The following SLC9A8 variants were observed in gnomAD, a reference collection of about 807,000 sequenced individuals.
The protein encoded by SLC9A8 is solute carrier family 9 member A8.
Under a neutral mutation model 66.6 loss-of-function variants are expected in SLC9A8, and 48 were observed. The observed-to-expected ratio is 0.72, with a 90% CI of 0.57 to 0.92. The LOEUF (loss-of-function observed/expected upper bound fraction) is 0.92. Among genes scored for constraint, SLC9A8 ranks in the 40% least tolerant of loss-of-function variants. The pLI is 0.00. For missense variants in SLC9A8, 599 were observed against 747.3 expected (o/e 0.80, Z 2.31); for synonymous variants, 274 against 282.6 (o/e 0.97, Z 0.31).
chr20:49,845,565 A>T (rs986280655), intron 5 of SLC9A8, among the ~76,000 whole-genome samples: 15 of 151,210 alleles, frequency 9.9e-5, no homozygotes, highest in African/African-American at 3.2e-4. Flanking sequence ...CCATCCTTCC[A>T]TGTCTCCCTC....
At chr20:49,882,325 A>T (rs2089655783) in intron 13 of SLC9A8, among the ~76,000 whole-genome samples, 2 of 152,050 alleles carry the variant, frequency 1.3e-5, no homozygotes, top group South Asian at 4.1e-4. Flanking sequence ...CCTGGAGGGG[A>T]GGCGTCCGCC....
intron 12 of SLC9A8, 134 bp from the exon 13 acceptor site, chr20:49,880,790 G>A (rs1318693747): frequency 3.4e-5 from 22 of 653,196 alleles, no homozygotes; most frequent in African/African-American, 1.3e-4. Flanking sequence ...GGTGTTGCTC[G>A]TGTCTTTTGT....
intron 9 of SLC9A8, chr20:49,863,967 A>G (rs1301910627): frequency 6.6e-6 from 1 of 152,212 alleles, no homozygotes; most frequent in Non-Finnish European, 1.5e-5. Context: ...CCAGAAGTCT[A>G]AGGGCTCTAT....
At chr20:49,857,414 A>C (rs951554095) in intron 8 of SLC9A8, among the ~76,000 whole-genome samples, 1 of 152,214 alleles carries the variant, frequency 6.6e-6, no homozygotes, top group Non-Finnish European at 1.5e-5. Flanking sequence ...TGAGGACTGA[A>C]TAGTTAAATA....
chr20:49,878,129 G>A lies in SLC9A8; in HGVS notation c.1158+66G>A, dbSNP rs567494043. The A allele has an allele frequency of 1.1e-3, 1,112 of 973,640 alleles. 23 individuals are homozygous for A. The South Asian group carries it at 0.018, about 15-fold the overall frequency. 60.3% of individuals were successfully genotyped at this position (973,640 alleles called of 1,614,324 possible). Reference sequence around the variant, plus strand: ...TTGTAGATCAATAAACACATGTTCCGGATTCATTTATGTAACTGTTAACTG... The same window carrying A: ...TTGTAGATCAATAAACACATGTTCCAGATTCATTTATGTAACTGTTAACTG... On this transcript the variant is annotated intron_variant, in intron 12 of 15. Transcript: ENST00000361573.
chr20:49,839,065 T>G (rs2087658679), intron 3 of SLC9A8, among the ~76,000 whole-genome samples: 1 of 152,204 alleles, frequency 6.6e-6, no homozygotes, highest in South Asian at 2.1e-4. Flanking sequence ...TTCACAGAAC[T>G]TTTACTTTAG....
rs371267079 is a variant in SLC9A8 at position 49,839,619 on chromosome 20, G to T, written c.348+20G>T. 3 of 1,557,982 alleles carry T rather than the reference G, an allele frequency of 1.9e-6. No individual in the cohort carries two copies. In the African/African-American group the frequency reaches 4.1e-5, roughly 21 times the overall value. ...TGGAAGGTAGGTTTGCCCTTTGGTT[G>T]TTCTTAATTTTAGTAACATTGATCA... On this transcript the variant is annotated intron_variant, in intron 4 of 15. Coordinates refer to ENST00000361573, the MANE Select transcript of SLC9A8 (RefSeq NM_015266.3).
intron 2 of SLC9A8, among the ~76,000 whole-genome samples, chr20:49,815,942 G>A (rs2146433948): frequency 6.6e-6 from 1 of 152,236 alleles, no homozygotes; most frequent in East Asian, 1.9e-4. Flanking sequence ...TGACTTCCAT[G>A]TGAATTTTAT....
intron 3 of SLC9A8, among the ~76,000 whole-genome samples, chr20:49,831,454 G>C (rs1469940730): frequency 1.3e-5 from 2 of 151,140 alleles, no homozygotes; most frequent in East Asian, 2.0e-4. Flanking sequence ...TCTCACCCCA[G>C]GATAGAAACT....
intron 13 of SLC9A8, among the ~76,000 whole-genome samples, chr20:49,881,955 G>C (rs1455177248): frequency 1.3e-5 from 2 of 152,126 alleles, no homozygotes. Flanking sequence ...GAAGGTTGGA[G>C]TGTATTTGAA....
chr20:49,816,932 G>T (rs374325587), intron 2 of SLC9A8, among the ~76,000 whole-genome samples: 2 of 151,954 alleles, frequency 1.3e-5, no homozygotes, highest in African/African-American at 2.4e-5. Context: ...ATTTCATTCT[G>T]TTGGCCAGGA....
intron 8 of SLC9A8, among the ~76,000 whole-genome samples, chr20:49,858,967 AAAG>A (rs1387416025): frequency 1.7e-3 from 200 of 114,956 alleles, no homozygotes; most frequent in African/African-American, 1.0e-2. Flanking sequence ...AAAAAAAAAA[AAAG>A]AAAGAAAAGA....
At chr20:49,836,085 G>T (rs1039721379) in intron 3 of SLC9A8, among the ~76,000 whole-genome samples, 4 of 152,102 alleles carry the variant, frequency 2.6e-5, no homozygotes, top group Non-Finnish European at 5.9e-5. Context: ...ATGCCCTTTA[G>T]CTCTCCTCCC....
intron 15 of SLC9A8, 124 bp downstream of exon 15, chr20:49,887,022 G>A: frequency 9.3e-7 from 1 of 1,080,216 alleles, no homozygotes. Context: ...GGCCCGCCAG[G>A]CCGCCGCCTC....
intron 5 of SLC9A8, among the ~76,000 whole-genome samples, chr20:49,846,521 A>G (rs2982414): frequency 0.32 from 48,104 of 150,624 alleles, 9,231 homozygotes; most frequent in South Asian, 0.57. Context: ...AGCACCACCC[A>G]CCACACTAAA....
intron 3 of SLC9A8, among the ~76,000 whole-genome samples, chr20:49,828,439 G>T (rs1389185658): frequency 1.3e-5 from 2 of 151,048 alleles, no homozygotes; most frequent in African/African-American, 4.9e-5. Flanking sequence ...GGTCAGGCTG[G>T]TCTTGAACTC....
chr20:49,827,990 T>C (rs1430636077), intron 3 of SLC9A8, among the ~76,000 whole-genome samples: 2 of 152,032 alleles, frequency 1.3e-5, no homozygotes, highest in Non-Finnish European at 2.9e-5. Flanking sequence ...ATAGTACTTT[T>C]GGCCAGTTAC....
At position 49,815,095 on chromosome 20, in the gene SLC9A8, T is replaced by G; in HGVS notation, c.114T>G (p.Pro38=). The part of the protein sequence containing the change: ...VVTTKLVLPT[P]GKPILPVQTG... ...CGACGAAACTGGTGCTCCCGACCCC[T>G]GGCAAGCCCATCCTCCCCGTGCAGA... The change falls in exon 2 of 16, where the codon CCT becomes CCG. Residue 38 remains proline (P), a synonymous_variant. Coordinates refer to ENST00000361573, the MANE Select transcript of SLC9A8 (RefSeq NM_015266.3). 1 of 1,608,974 alleles carries G rather than the reference T, an allele frequency of 6.2e-7. No homozygotes were observed. Among genetic ancestry groups the G allele is most frequent in the Non-Finnish European group, 8.5e-7 (1 of 1,177,890 alleles).
chr20:49,869,316 T>C (rs2089100205), intron 10 of SLC9A8, among the ~76,000 whole-genome samples: 1 of 151,986 alleles, frequency 6.6e-6, no homozygotes, highest in South Asian at 2.1e-4. Flanking sequence ...GCCTCCCAGG[T>C]TCAAGCAATT....
Sources: allele counts gnomAD v4.1 joint callset (sites outside exome capture counted in the v4.1 genomes callset), GRCh38; gene constraint gnomAD v4.1.1; transcripts MANE v1.5; gene names NCBI Gene and HGNC (gene_info 2026-07-23, HGNC 2026-07-21).